The following CEP112 variants were observed in gnomAD, a reference collection of about 807,000 sequenced individuals.
CEP112 encodes centrosomal protein 112.
CEP112 carries 127 observed loss-of-function variants against 153.0 expected under a neutral mutation model. That is an observed-to-expected ratio of 0.83 (90% CI 0.72 to 0.96). The LOEUF (loss-of-function observed/expected upper bound fraction) is 0.96, where lower values mean the gene tolerates loss of function less well. Ranked by LOEUF, CEP112 falls within the 40% of genes least tolerant of loss-of-function variation. The pLI is 0.00. For missense variants in CEP112, 1,089 were observed against 1,101.2 expected (o/e 0.99, Z 0.16); for synonymous variants, 358 against 374.4 (o/e 0.96, Z 0.51).
intron 16 of CEP112, among the ~76,000 whole-genome samples, chr17:66,015,964 T>C (rs2064753515): frequency 6.6e-6 from 1 of 152,208 alleles, no homozygotes; most frequent in African/African-American, 2.4e-5. Flanking sequence ...AAGGTCATTA[T>C]GCCTTGCCTT....
intron 21 of CEP112, chr17:65,826,025 T>C: frequency 9.6e-7 from 1 of 1,043,970 alleles, no homozygotes; most frequent in Non-Finnish European, 1.5e-6. Flanking sequence ...CCCTGCCCTA[T>C]CAAAATTCAT....
intron 21 of CEP112, among the ~76,000 whole-genome samples, chr17:65,781,152 T>C (rs914600840): frequency 3.3e-5 from 5 of 152,106 alleles, no homozygotes; most frequent in African/African-American, 9.7e-5. Flanking sequence ...CTGTTTCTAA[T>C]TTAAAATGAC....
At chr17:66,050,336 A>G (rs1234996519) in intron 12 of CEP112, among the ~76,000 whole-genome samples, 2 of 152,124 alleles carry the variant, frequency 1.3e-5, no homozygotes, top group Non-Finnish European at 2.9e-5. Flanking sequence ...GTGTTTTACA[A>G]TTTGGACACT....
At chr17:66,170,258 A>C (rs539873659) in intron 4 of CEP112, among the ~76,000 whole-genome samples, 3 of 152,164 alleles carry the variant, frequency 2.0e-5, no homozygotes, top group East Asian at 1.9e-4. Context: ...AAGACCACCA[A>C]CAAGACAATT....
At chr17:66,094,718 C>T (rs2068270919) in intron 8 of CEP112, among the ~76,000 whole-genome samples, 1 of 152,116 alleles carries the variant, frequency 6.6e-6, no homozygotes, top group South Asian at 2.1e-4. Flanking sequence ...AGACAGCCTA[C>T]ACAATGAGAA....
At chr17:65,711,222 A>T (rs985970925) in intron 23 of CEP112, among the ~76,000 whole-genome samples, 1 of 152,218 alleles carries the variant, frequency 6.6e-6, no homozygotes, top group African/African-American at 2.4e-5. Context: ...TCATTAGTCT[A>T]GTGGTGAAAC....
At chr17:65,896,890 C>T (rs1277226014) in intron 20 of CEP112, among the ~76,000 whole-genome samples, 2 of 152,040 alleles carry the variant, frequency 1.3e-5, no homozygotes, top group Non-Finnish European at 2.9e-5. Context: ...TACCAGGAGT[C>T]CACCAAAAGT....
At chr17:66,026,708 T>C (rs2065226809) in intron 16 of CEP112, among the ~76,000 whole-genome samples, 1 of 152,210 alleles carries the variant, frequency 6.6e-6, no homozygotes, top group Non-Finnish European at 1.5e-5. Context: ...AGTATTTGCA[T>C]ATAACCTACA....
intron 21 of CEP112, among the ~76,000 whole-genome samples, chr17:65,774,105 C>A (rs563834829): frequency 7.0e-6 from 1 of 143,714 alleles, no homozygotes; most frequent in African/African-American, 2.6e-5. Flanking sequence ...AAAAAAAGTC[C>A]ATTTTTGGAT....
At chr17:65,919,032 G>A (rs184173445) in intron 19 of CEP112, among the ~76,000 whole-genome samples, 4 of 152,222 alleles carry the variant, frequency 2.6e-5, no homozygotes, top group African/African-American at 4.8e-5. Flanking sequence ...GGATTAGACC[G>A]GATAAGTGCT....
In CEP112 at chr17:65,895,902, C is replaced by T. The variant is rs180920666; in HGVS notation, c.2163+6250G>A. Among the ~76,000 whole-genome samples the T allele has an allele frequency of 4.4e-3, 648 of 148,186 alleles. 7 individuals are homozygous for T. The highest frequency in any genetic ancestry group is 0.015 in the African/African-American group (602 of 41,278). On this transcript the variant is annotated intron_variant, in intron 20 of 26. Transcript: ENST00000535342. ...TGACTTGTGGTCCCTTGCAACCCTC[C>T]CAGTTCTCACCACTGCAGTGATCAT...
chr17:65,976,150 T>C (rs768925280), intron 17 of CEP112, among the ~76,000 whole-genome samples: 3 of 152,226 alleles, frequency 2.0e-5, no homozygotes, highest in East Asian at 1.9e-4. Flanking sequence ...GGAGGGCCTA[T>C]TGTCAGAATG....
intron 17 of CEP112, among the ~76,000 whole-genome samples, chr17:65,971,146 C>G (rs1402345676): frequency 6.6e-6 from 1 of 152,098 alleles, no homozygotes; most frequent in Admixed American, 6.5e-5. Flanking sequence ...TGCATGTGCA[C>G]ATGATACATG....
chr17:65,945,740 A>G (rs7207288), intron 18 of CEP112, among the ~76,000 whole-genome samples: 151,026 of 152,190 alleles, frequency 0.99, 74,946 homozygotes, highest in Middle Eastern at 1. Flanking sequence ...TCTGCCTCCC[A>G]GGTTCAAGTG....
At chr17:66,174,612 T>G (rs1452623272) in intron 4 of CEP112, among the ~76,000 whole-genome samples, 1 of 152,106 alleles carries the variant, frequency 6.6e-6, no homozygotes, top group East Asian at 1.9e-4. Flanking sequence ...TTCAAAAATT[T>G]GGAAATTTAT....
chr17:65,861,356 T>C (rs1168089027), intron 20 of CEP112, among the ~76,000 whole-genome samples: 2 of 152,194 alleles, frequency 1.3e-5, no homozygotes, highest in Non-Finnish European at 2.9e-5. Flanking sequence ...GACTTCAAAG[T>C]AAGGAAAGGC....
intron 17 of CEP112, among the ~76,000 whole-genome samples, chr17:65,971,556 A>C (rs1048568721): frequency 6.6e-6 from 1 of 151,874 alleles, no homozygotes; most frequent in Non-Finnish European, 1.5e-5. Context: ...TGTATGTTAC[A>C]TGTGTGTTGT....
At chr17:65,757,785 T>G (rs2052375352) in intron 21 of CEP112, among the ~76,000 whole-genome samples, 2 of 152,226 alleles carry the variant, frequency 1.3e-5, no homozygotes, top group African/African-American at 4.8e-5. Flanking sequence ...CATGGCTAAC[T>G]TATCAGGCAA....
intron 6 of CEP112, among the ~76,000 whole-genome samples, chr17:66,121,059 G>T (rs149408399): frequency 6.6e-6 from 1 of 151,992 alleles, no homozygotes; most frequent in East Asian, 1.9e-4. Context: ...CGGGCGGATC[G>T]CCTGAGGTTG....
Sources: gnomAD v4.1 joint callset for allele counts (sites outside exome capture counted in the v4.1 genomes callset) on GRCh38, gnomAD v4.1.1 for gene constraint, MANE v1.5 for transcripts, NCBI Gene and HGNC (gene_info 2026-07-23, HGNC 2026-07-21) for gene names.